The following SLC24A2 variants were observed in gnomAD, a reference collection of about 807,000 sequenced individuals.
SLC24A2 encodes the protein sodium/potassium/calcium exchanger 2.
Under a neutral mutation model 62.0 loss-of-function variants are expected in SLC24A2, and 36 were observed. The ratio of observed to expected loss-of-function variants is 0.58; its 90% CI spans 0.44 to 0.77. The LOEUF is 0.77. Among genes scored for constraint, SLC24A2 ranks in the 30% least tolerant of loss-of-function variants. The pLI is 0.00. For synonymous variants in SLC24A2, 358 were observed against 294.0 expected (o/e 1.22, Z -2.23); for missense variants, 846 against 817.9 (o/e 1.03, Z -0.42).
At chr9:19,923,040 T>A in the SLC24A2 span, among the ~76,000 whole-genome samples, 4 of 150,812 alleles carry the variant, frequency 2.7e-5, no homozygotes, top group African/African-American at 7.3e-5. Context: ...ACCAGTTTTT[T>A]AAAAAAAATG....
chr9:19,976,017 C>T, the SLC24A2 span, among the ~76,000 whole-genome samples: 2 of 152,136 alleles, frequency 1.3e-5, no homozygotes, highest in African/African-American at 2.4e-5. Context: ...GCTGGAACCA[C>T]AGGCCCGTGG....
chr9:19,834,911 G>C, the SLC24A2 span, among the ~76,000 whole-genome samples: 1 of 152,290 alleles, frequency 6.6e-6, no homozygotes, highest in Non-Finnish European at 1.5e-5. Context: ...AGAGAGTGGA[G>C]ACCAATATTC....
chr9:20,189,690 A>G, the SLC24A2 span, among the ~76,000 whole-genome samples: 1 of 152,214 alleles, frequency 6.6e-6, no homozygotes, highest in Non-Finnish European at 1.5e-5. Flanking sequence ...AATGGTCTAG[A>G]TGCCAGAGAA....
At chr9:19,994,390 C>T in the SLC24A2 span, among the ~76,000 whole-genome samples, 1 of 152,168 alleles carries the variant, frequency 6.6e-6, no homozygotes, top group Admixed American at 6.5e-5. Context: ...GGCAAGAGTC[C>T]TGACCAAGCT....
At chr9:20,186,758 T>A in the SLC24A2 span, among the ~76,000 whole-genome samples, 1 of 152,202 alleles carries the variant, frequency 6.6e-6, no homozygotes, top group African/African-American at 2.4e-5. Context: ...TTATGATATA[T>A]TTTAAAGTCC....
the SLC24A2 span, among the ~76,000 whole-genome samples, chr9:20,133,754 G>C: frequency 4.6e-4 from 70 of 152,262 alleles, no homozygotes; most frequent in African/African-American, 1.6e-3. Flanking sequence ...ATCAGGGTAA[G>C]TGGTTTAATT....
At chr9:19,549,626 C>T (rs1834744492) in intron 8 of SLC24A2, among the ~76,000 whole-genome samples, 1 of 152,190 alleles carries the variant, frequency 6.6e-6, no homozygotes, top group African/African-American at 2.4e-5. Context: ...GTAGACCGTC[C>T]CAGCTGAGCC....
chr9:20,081,624 TATA>T, the SLC24A2 span, among the ~76,000 whole-genome samples: 5 of 151,648 alleles, frequency 3.3e-5, no homozygotes, highest in Non-Finnish European at 7.4e-5. Context: ...AAATTTAAAG[TATA>T]ATAATAATAA....
At chr9:20,120,268 T>G in the SLC24A2 span, among the ~76,000 whole-genome samples, 2 of 152,128 alleles carry the variant, frequency 1.3e-5, no homozygotes, top group African/African-American at 4.8e-5. Context: ...TAAGAAGCTT[T>G]GCCTCTATTC....
chr9:19,619,413 G>C (rs1817852587), intron 4 of SLC24A2, among the ~76,000 whole-genome samples, 171 bp downstream of exon 4: 1 of 152,174 alleles, frequency 6.6e-6, no homozygotes, highest in African/African-American at 2.4e-5. Flanking sequence ...ATGGTGAACT[G>C]AGCTGTTGCA....
At chr9:19,561,084 C>A (rs1001096454) in intron 7 of SLC24A2, among the ~76,000 whole-genome samples, 1 of 151,888 alleles carries the variant, frequency 6.6e-6, no homozygotes, top group African/African-American at 2.4e-5. Context: ...AGCCACCACA[C>A]CTGGCTAATT....
At chr9:20,170,415 C>T in the SLC24A2 span, among the ~76,000 whole-genome samples, 1 of 152,014 alleles carries the variant, frequency 6.6e-6, no homozygotes, top group Non-Finnish European at 1.5e-5. Context: ...CGGTGTCCCT[C>T]CCCCATGGGC....
the SLC24A2 span, among the ~76,000 whole-genome samples, chr9:20,090,849 C>T: frequency 6.6e-6 from 1 of 151,998 alleles, no homozygotes; most frequent in Non-Finnish European, 1.5e-5. Context: ...GGTTTTAAAC[C>T]AGGCTGTGTT....
chr9:19,650,943 G>C (rs1818784451), intron 2 of SLC24A2, among the ~76,000 whole-genome samples: 1 of 152,018 alleles, frequency 6.6e-6, no homozygotes, highest in Admixed American at 6.6e-5. Context: ...TATGTCTTTA[G>C]CTTACATTTG....
the SLC24A2 span, among the ~76,000 whole-genome samples, chr9:20,056,278 A>G: frequency 6.7e-4 from 102 of 152,328 alleles, 1 homozygote; most frequent in East Asian, 0.018. Context: ...ATAGAAGACT[A>G]TTATAAATAA....
At chr9:19,787,436 G>C (rs1164281889) in intron 1 of SLC24A2, among the ~76,000 whole-genome samples, 1 of 152,130 alleles carries the variant, frequency 6.6e-6, no homozygotes, top group African/African-American at 2.4e-5. Flanking sequence ...AACTGTCTAG[G>C]TACTTGGCAA....
At chr9:19,761,654 C>T (rs560574096) in intron 2 of SLC24A2, among the ~76,000 whole-genome samples, 14 of 151,954 alleles carry the variant, frequency 9.2e-5, no homozygotes, top group Non-Finnish European at 1.6e-4. Flanking sequence ...CCACAACAGT[C>T]CCATGTGTGA....
At chr9:19,785,085 A>C (rs965334530) in intron 2 of SLC24A2, among the ~76,000 whole-genome samples, 1 of 152,180 alleles carries the variant, frequency 6.6e-6, no homozygotes, top group African/African-American at 2.4e-5. Flanking sequence ...CTAGGATATA[A>C]ATCAGAACTC....
the SLC24A2 span, among the ~76,000 whole-genome samples, chr9:20,105,343 C>T: frequency 3.9e-5 from 6 of 152,054 alleles, no homozygotes; most frequent in Admixed American, 6.5e-5. Flanking sequence ...TTGCACCAAG[C>T]GGACCTAATA....
Sources: allele counts gnomAD v4.1 joint callset (sites outside exome capture counted in the v4.1 genomes callset), GRCh38; gene constraint gnomAD v4.1.1; transcripts MANE v1.5; gene names NCBI Gene and HGNC (gene_info 2026-07-23, HGNC 2026-07-21).